The following MSI2 variants were observed in gnomAD, a reference collection of about 807,000 sequenced individuals.
MSI2 encodes the protein musashi RNA binding protein 2.
MSI2 carries 17 observed loss-of-function variants against 45.6 expected under a neutral mutation model. The ratio of observed to expected loss-of-function variants is 0.37; its 90% CI spans 0.26 to 0.56. MSI2 has a LOEUF of 0.56. Ranked by LOEUF, MSI2 falls within the 20% of genes least tolerant of loss-of-function variation. The probability of loss-of-function intolerance (pLI) is 0.77; values close to 1 mark genes in which losing one functional copy is unlikely to be tolerated. For missense variants in MSI2, 293 were observed against 444.2 expected, an observed-to-expected ratio of 0.66 and a Z score of 3.06; for synonymous variants, 156 against 158.2, an observed-to-expected ratio of 0.99 and a Z score of 0.11.
At chr17:57,433,051 C>A (rs745464392) in intron 6 of MSI2, among the ~76,000 whole-genome samples, 1 of 152,188 alleles carries the variant, frequency 6.6e-6, no homozygotes, top group Non-Finnish European at 1.5e-5. Flanking sequence ...ACTCAGTTCA[C>A]GTCCGTGGGC....
the MSI2 span, among the ~76,000 whole-genome samples, chr17:57,698,329 T>G: frequency 6.6e-6 from 1 of 152,216 alleles, no homozygotes. Flanking sequence ...CTCCCTCCCT[T>G]GCCCACTTTC....
At chr17:57,629,016 G>A (rs1196945258) in intron 10 of MSI2, 2 of 152,408 alleles carry the variant, frequency 1.3e-5, no homozygotes, top group Non-Finnish European at 2.9e-5. Flanking sequence ...TACGCAAGGG[G>A]TAGGACCTGC....
intron 10 of MSI2, among the ~76,000 whole-genome samples, chr17:57,645,742 A>G (rs923482818): frequency 1.3e-5 from 2 of 152,102 alleles, no homozygotes; most frequent in Admixed American, 6.6e-5. Context: ...GAAGCTTTTA[A>G]AGGTCCCAGT....
At chr17:57,633,564 G>T (rs1909598332) in intron 10 of MSI2, among the ~76,000 whole-genome samples, 1 of 152,346 alleles carries the variant, frequency 6.6e-6, no homozygotes, top group South Asian at 2.1e-4. Context: ...TGTGCACGTG[G>T]CCTGCTTTCC....
At chr17:57,477,442 TG>T (rs773787504) in intron 6 of MSI2, among the ~76,000 whole-genome samples, 90 of 152,246 alleles carry the variant, frequency 5.9e-4, no homozygotes, top group Non-Finnish European at 1.1e-3. Context: ...GCTCCTGAAA[TG>T]GTCTTGATCA....
At chr17:57,632,893 C>T in intron 10 of MSI2, 1 of 1,061,428 alleles carries the variant, frequency 9.4e-7, no homozygotes, top group African/African-American at 1.6e-5. Context: ...ATTAAAGATG[C>T]TTGATGTAAT....
Position 57,596,492 on chromosome 17 carries a change from A to G in MSI2, c.455-376A>G, listed in dbSNP as rs1905256393. 6.6e-6 allele frequency among the ~76,000 whole-genome samples: 1 copy of G among 152,220 alleles called. No homozygotes were observed. Among genetic ancestry groups the G allele is most frequent in the South Asian group, 2.1e-4 (1 of 4,822 alleles). ...AGGGCTGGCCAGGGCTGCTCGCGGAAAGGGCAAGCGTGGCCCCGCAGTGAT... is the reference window on the plus strand; with the variant it reads ...AGGGCTGGCCAGGGCTGCTCGCGGAGAGGGCAAGCGTGGCCCCGCAGTGAT... On this transcript the variant is annotated intron_variant, in intron 7 of 13. Transcript: ENST00000284073. The surrounding 1 kb of genome is among the most constrained non-coding windows in gnomAD (Gnocchi z 4.6).
At chr17:57,458,290 C>T (rs963466052) in intron 6 of MSI2, among the ~76,000 whole-genome samples, 6 of 152,002 alleles carry the variant, frequency 3.9e-5, no homozygotes, top group African/African-American at 7.2e-5. Context: ...TTAGTAGAGA[C>T]GGGGTTTCAC....
At chr17:57,291,383 C>A (rs943209111) in intron 5 of MSI2, among the ~76,000 whole-genome samples, 2 of 152,174 alleles carry the variant, frequency 1.3e-5, no homozygotes, top group Admixed American at 1.3e-4. Context: ...GGATACAATT[C>A]ACCACCAATA....
chr17:57,640,973 A>C (rs1276519061), intron 10 of MSI2, among the ~76,000 whole-genome samples: 1 of 152,024 alleles, frequency 6.6e-6, no homozygotes, highest in Non-Finnish European at 1.5e-5. Flanking sequence ...CTTTTCAACA[A>C]GGGCTAGAGT....
rs191983818 is a variant in MSI2 at position 57,658,800 on chromosome 17, A to G, written c.790+6639A>G. Among the ~76,000 whole-genome samples, 49 of 152,302 alleles carry G rather than the reference A, an allele frequency of 3.2e-4. No homozygotes were observed. In the East Asian group the frequency reaches 8.9e-3, roughly 28 times the overall value. ...TTGGTCGTTGCTCTTGTGTGGGCTC[A>G]GGAGCTCAGGCCCAGCTGTCTGGAG... is the stretch of plus-strand genomic sequence containing the variant. On this transcript the variant is annotated intron_variant, in intron 11 of 13. Transcript: ENST00000284073.
intron 8 of MSI2, among the ~76,000 whole-genome samples, chr17:57,605,601 C>T (rs1256413639): frequency 2.6e-5 from 4 of 152,216 alleles, no homozygotes; most frequent in Non-Finnish European, 4.4e-5. Context: ...CTCTTCCCCG[C>T]GCAGAAGGCA....
chr17:57,555,010 T>C (rs1271248042), intron 7 of MSI2, among the ~76,000 whole-genome samples: 1 of 152,220 alleles, frequency 6.6e-6, no homozygotes, highest in Non-Finnish European at 1.5e-5. Context: ...GTTTGGGCAC[T>C]CGGCTGAGCT....
At chr17:57,492,924 T>C (rs946564345) in intron 6 of MSI2, among the ~76,000 whole-genome samples, 1 of 152,232 alleles carries the variant, frequency 6.6e-6, no homozygotes, top group Non-Finnish European at 1.5e-5. Flanking sequence ...GTGGAATATC[T>C]TTGTTCTTCC....
intron 7 of MSI2, among the ~76,000 whole-genome samples, chr17:57,585,372 A>G (rs925825783): frequency 6.6e-6 from 1 of 152,198 alleles, no homozygotes; most frequent in Non-Finnish European, 1.5e-5. Context: ...GGGGCTAGCT[A>G]TCTTCTCAGA....
the MSI2 span, among the ~76,000 whole-genome samples, chr17:57,690,446 A>G: frequency 2.6e-5 from 1 of 39,212 alleles, no homozygotes; most frequent in African/African-American, 7.6e-5. Context: ...CCCTATCTCT[A>G]CAAAAAAAAA....
intron 6 of MSI2, among the ~76,000 whole-genome samples, chr17:57,481,985 G>A (rs1399671809): frequency 1.3e-5 from 2 of 152,156 alleles, no homozygotes; most frequent in African/African-American, 4.8e-5. Context: ...TGTTGCTATG[G>A]CACCTCAAGA....
At chr17:57,305,939 T>C (rs146140059) in intron 5 of MSI2, among the ~76,000 whole-genome samples, 1 of 152,314 alleles carries the variant, frequency 6.6e-6, no homozygotes, top group Non-Finnish European at 1.5e-5. Flanking sequence ...GCCCATACTT[T>C]ATTAAGGTCT....
At chr17:57,616,621 T>C (rs916754726) in intron 9 of MSI2, 2 of 150,458 alleles carry the variant, frequency 1.3e-5, no homozygotes, top group African/African-American at 5.0e-5. Flanking sequence ...CCTGTTTTAC[T>C]CTTTATTTGC....
Sources: gnomAD v4.1 joint callset for allele counts (sites outside exome capture counted in the v4.1 genomes callset) on GRCh38, gnomAD v4.1.1 for gene constraint, Gnocchi (gnomAD v3.1) non-coding constraint, MANE v1.5 for transcripts, NCBI Gene and HGNC (gene_info 2026-07-23, HGNC 2026-07-21) for gene names.